CAMK1D: variants seen among roughly 807,000 people sequenced by gnomAD.
CAMK1D encodes the protein calcium/calmodulin dependent protein kinase ID.
Under a neutral mutation model 47.7 loss-of-function variants are expected in CAMK1D, and 9 were observed. That is an observed-to-expected ratio of 0.19 (90% CI 0.11 to 0.33). The LOEUF (loss-of-function observed/expected upper bound fraction) is 0.33. CAMK1D is among the 10% of genes least tolerant of loss of function. The probability of loss-of-function intolerance (pLI) is 1.00; values close to 1 mark genes in which losing one functional copy is unlikely to be tolerated. For missense variants in CAMK1D, 291 were observed against 488.7 expected, an observed-to-expected ratio of 0.60 and a Z score of 3.81; for synonymous variants, 184 against 184.9, an observed-to-expected ratio of 0.99 and a Z score of 0.04.
chr10:12,596,079 C>G (rs1838138829), intron 2 of CAMK1D, among the ~76,000 whole-genome samples: 1 of 152,024 alleles, frequency 6.6e-6, no homozygotes, highest in African/African-American at 2.4e-5. Flanking sequence ...GAGAGCTCTT[C>G]AGTCCTAAAA....
At chr10:12,402,799 G>A (rs1433929962) in intron 1 of CAMK1D, among the ~76,000 whole-genome samples, 1 of 151,850 alleles carries the variant, frequency 6.6e-6, no homozygotes, top group Non-Finnish European at 1.5e-5. Flanking sequence ...TGGAAGTGAA[G>A]GGCTAACAGG....
chr10:12,387,407 TTATA>T (rs1272162949), intron 1 of CAMK1D, among the ~76,000 whole-genome samples: 23,325 of 85,586 alleles, frequency 0.27, 3,239 homozygotes, highest in Middle Eastern at 0.42. Flanking sequence ...TTTTTATATA[TTATA>T]TATATTTTAT....
At chr10:12,709,173 C>T (rs537660836) in intron 3 of CAMK1D, among the ~76,000 whole-genome samples, 141 of 152,182 alleles carry the variant, frequency 9.3e-4, no homozygotes, top group African/African-American at 3.3e-3. Context: ...CTGGGAAAGC[C>T]GACTTGGAGC....
At chr10:12,814,047 CCAAATT>C (rs1417724331) in intron 6 of CAMK1D, 142 bp from the exon 7 acceptor site, 1 of 561,800 alleles carries the variant, frequency 1.8e-6, no homozygotes, top group Non-Finnish European at 3.2e-6. Flanking sequence ...CCTTGGCCTC[CCAAATT>C]GCTGGGATTA....
chr10:12,620,085 A>G (rs1040516320), intron 2 of CAMK1D, among the ~76,000 whole-genome samples: 1 of 149,546 alleles, frequency 6.7e-6, no homozygotes, highest in East Asian at 2.0e-4. Flanking sequence ...TTAACCATTC[A>G]CCAGTTGAAG....
rs552825862 is a variant in CAMK1D at position 12,591,462 on chromosome 10, A to C, written c.224+38106A>C. Among the ~76,000 whole-genome samples, 3 of 152,314 alleles carry C rather than the reference A, an allele frequency of 2.0e-5. No homozygotes were observed. The East Asian group carries it at 5.8e-4, about 29-fold the overall frequency. ...CCCAGAGCTTTCCCTTCTTCCACTA[A>C]AAAGTGTCACACTTCTCTGCCTGCC... On this transcript the variant is annotated intron_variant, in intron 2 of 10. Transcript: ENST00000619168.
intron 1 of CAMK1D, among the ~76,000 whole-genome samples, chr10:12,546,371 CAGAG>C (rs34222959): frequency 6.6e-6 from 1 of 151,780 alleles, no homozygotes; most frequent in African/African-American, 2.4e-5. Flanking sequence ...ATGACAGAGA[CAGAG>C]AGCAGTAAAG....
intron 3 of CAMK1D, among the ~76,000 whole-genome samples, chr10:12,689,730 CA>C (rs1832799517): frequency 6.6e-6 from 1 of 150,812 alleles, no homozygotes; most frequent in Non-Finnish European, 1.5e-5. Context: ...GAGCCGAGAT[CA>C]TACCATTGTA....
At chr10:12,445,392 G>C (rs1183482336) in intron 1 of CAMK1D, among the ~76,000 whole-genome samples, 3 of 152,254 alleles carry the variant, frequency 2.0e-5, no homozygotes, top group Non-Finnish European at 4.4e-5. Context: ...AGAATGAGTA[G>C]AATTTAGTCA....
intron 2 of CAMK1D, among the ~76,000 whole-genome samples, chr10:12,555,161 C>T (rs1211631507): frequency 2.0e-5 from 3 of 152,176 alleles, no homozygotes; most frequent in Admixed American, 2.0e-4. Context: ...CTTCTAGGGC[C>T]TCAACACAAA....
chr10:12,704,059 C>CGTGT lies in CAMK1D; in HGVS notation c.299+37262_299+37265dup, dbSNP rs138352151. ...GGAATAATTTCCCAGCTGTTTGAAA[C>CGTGT]GTGTGTGTGTGTGTGTAAATGTGCA... On this transcript the variant is annotated intron_variant, in intron 3 of 10. Transcript: ENST00000619168. Among the ~76,000 whole-genome samples, 1,116 of 151,178 alleles carry CGTGT rather than the reference C, an allele frequency of 7.4e-3. 7 individuals are homozygous for CGTGT. The highest frequency in any genetic ancestry group is 9.2e-3 in the Non-Finnish European group (626 of 67,750).
At chr10:12,379,332 C>G (rs914963011) in intron 1 of CAMK1D, among the ~76,000 whole-genome samples, 8 of 152,180 alleles carry the variant, frequency 5.3e-5, no homozygotes, top group Admixed American at 4.6e-4. Context: ...ACTTATAGTT[C>G]ATAAAATGGA....
rs1835152371 is a variant in CAMK1D, at chr10:12,735,575, G to T, written c.300-25373G>T. Among the ~76,000 whole-genome samples, 8 of 152,308 alleles carry T rather than the reference G, an allele frequency of 5.3e-5. No homozygotes were observed. In the South Asian group the frequency reaches 1.5e-3, roughly 28 times the overall value. ...CTTCGCCACTGCCCTTCGATGCCGT[G>T]TCCAAGGGACAGTGATGGCAGAAAC... is the stretch of plus-strand genomic sequence containing the variant. On this transcript the variant is annotated intron_variant, in intron 3 of 10. Transcript: ENST00000619168.
At chr10:12,377,569 C>T (rs1838220699) in intron 1 of CAMK1D, among the ~76,000 whole-genome samples, 1 of 152,166 alleles carries the variant, frequency 6.6e-6, no homozygotes, top group Admixed American at 6.5e-5. Flanking sequence ...CAATGTATTA[C>T]AAACGTTATT....
At chr10:12,722,961 G>A (rs1358692034) in intron 3 of CAMK1D, among the ~76,000 whole-genome samples, 6 of 152,178 alleles carry the variant, frequency 3.9e-5, no homozygotes, top group Non-Finnish European at 7.3e-5. Context: ...TCTCGGGGCA[G>A]GTGGAAAATG....
At chr10:12,443,731 G>A (rs1457076506) in intron 1 of CAMK1D, among the ~76,000 whole-genome samples, 1 of 152,154 alleles carries the variant, frequency 6.6e-6, no homozygotes, top group Non-Finnish European at 1.5e-5. Flanking sequence ...CCGGGTTCAA[G>A]CGATTCTCCT....
At chr10:12,735,848 C>T (rs1002138882) in intron 3 of CAMK1D, among the ~76,000 whole-genome samples, 8 of 152,050 alleles carry the variant, frequency 5.3e-5, no homozygotes, top group Non-Finnish European at 1.5e-5. Flanking sequence ...CCAGATACTC[C>T]ATTGCTGTGG....
intron 1 of CAMK1D, among the ~76,000 whole-genome samples, chr10:12,432,690 ATAAT>A (rs1832520891): frequency 6.6e-6 from 1 of 152,244 alleles, no homozygotes; most frequent in Admixed American, 6.5e-5. Flanking sequence ...GGTGAGTTGA[ATAAT>A]GAATGAATGA....
At chr10:12,378,821 T>C (rs1349865694) in intron 1 of CAMK1D, among the ~76,000 whole-genome samples, 18 of 150,856 alleles carry the variant, frequency 1.2e-4, no homozygotes, top group Admixed American at 7.9e-4. Context: ...TTTCTTTTTT[T>C]TTTTTTTTTG....
Sources: gnomAD v4.1 joint callset for allele counts (sites outside exome capture counted in the v4.1 genomes callset) on GRCh38, gnomAD v4.1.1 for gene constraint, MANE v1.5 for transcripts, NCBI Gene and HGNC (gene_info 2026-07-23, HGNC 2026-07-21) for gene names.